Variants in RP1 observed in about 807,000 individuals in gnomAD.
RP1 encodes the protein RP1 axonemal microtubule associated.
Under a neutral mutation model 14.8 loss-of-function variants are expected in RP1, and 16 were observed. The observed-to-expected ratio is 1.08, with a 90% confidence interval of 0.73 to 1.65. The LOEUF is 1.65. Among genes scored for constraint, RP1 ranks in the 40% most tolerant of loss-of-function variants. RP1 has a pLI of 0.00. For synonymous variants in RP1, 876 were observed against 883.6 expected (o/e 0.99, Z 0.15); for missense variants, 2,631 against 2,535.0 (o/e 1.04, Z -0.81).
rs537731450 is a variant in RP1, at chr8:54,753,236, A to T, written c.2809-1567A>T. The stretch of plus-strand genomic sequence containing the variant: ...CACTCATTAATGGTCAGGCGTGCTG[A>T]GTTAGTCTGTAACCTGTATTGACAA... On this transcript the variant is annotated intron_variant, in intron 19 of 22. Coordinates refer to the RP1 transcript ENST00000636932. 9.2e-5 allele frequency among the ~76,000 whole-genome samples: 14 copies of T among 152,296 alleles called. No homozygotes were observed. In the South Asian group the frequency reaches 2.9e-3, roughly 32 times the overall value.
chr8:54,869,587 A>G, intron 28 of RP1, among the ~76,000 whole-genome samples: 1 of 152,334 alleles, frequency 6.6e-6, no homozygotes, highest in African/African-American at 2.4e-5. Flanking sequence ...TTGTAATGTT[A>G]CCAGAGGACT....
At chr8:54,575,121 G>A (rs903326946) in intron 1 of RP1, among the ~76,000 whole-genome samples, 1 of 152,152 alleles carries the variant, frequency 6.6e-6, no homozygotes, top group Non-Finnish European at 1.5e-5. Context: ...CCAGGTCAAT[G>A]AGTCCTCTAA....
chr8:54,649,208 G>A, intron 4 of RP1: 1 of 1,271,414 alleles, frequency 7.9e-7, no homozygotes, highest in Non-Finnish European at 1.0e-6. Context: ...TAGGTACTTT[G>A]GAATGAACAT....
chr8:54,629,887 G>A lies in RP1; in HGVS notation c.6005G>A (p.Gly2002Asp). The change falls in exon 4 of 4, where the codon GGT becomes GAT. Residue 2002 changes from glycine (G) to aspartate (D), a missense_variant. Physicochemically the swap from Gly to Asp is moderately conservative, Grantham distance 94 (BLOSUM62 -1). Coordinates refer to ENST00000220676, the MANE Select transcript of RP1 (RefSeq NM_006269.2). ...TTCAGTAACACATTTGACTTGATGGGTAAAAGAAGAAAACAAAAAAGAATT... is the reference window on the plus strand; with the variant it reads ...TTCAGTAACACATTTGACTTGATGGATAAAAGAAGAAAACAAAAAAGAATT... Reference protein sequence around the residue: ...FYFSNTFDLMGKRRKQKRINF... With the variant: ...FYFSNTFDLMDKRRKQKRINF... The A allele has an allele frequency of 1.2e-6, 2 of 1,613,786 alleles. No individual in the cohort carries two copies. Among genetic ancestry groups the A allele is most frequent in the Admixed American group, 1.7e-5 (1 of 60,004 alleles).
At chr8:54,805,212 T>C (rs1810819101) in intron 24 of RP1, among the ~76,000 whole-genome samples, 1 of 152,234 alleles carries the variant, frequency 6.6e-6, no homozygotes, top group Non-Finnish European at 1.5e-5. Context: ...GTCAAGACCA[T>C]TTAACTGTTT....
intron 26 of RP1, among the ~76,000 whole-genome samples, chr8:54,856,452 A>G (rs1381566094): frequency 2.6e-5 from 4 of 152,218 alleles, no homozygotes; most frequent in Non-Finnish European, 4.4e-5. Context: ...ATGTATGTAC[A>G]TATACATATT....
At chr8:54,636,660 C>G (rs1585574069) in intron 3 of RP1, among the ~76,000 whole-genome samples, 1 of 152,122 alleles carries the variant, frequency 6.6e-6, no homozygotes, top group Non-Finnish European at 1.5e-5. Flanking sequence ...GTCTCTTGAA[C>G]CCGGTAGGTG....
intron 12 of RP1, among the ~76,000 whole-genome samples, chr8:54,683,560 T>C (rs1430606239): frequency 6.6e-6 from 1 of 152,160 alleles, no homozygotes; most frequent in South Asian, 2.1e-4. Flanking sequence ...ATTCTCTTTG[T>C]AGCAATCGTG....
At chr8:54,601,411 G>A (rs1805281961) in intron 1 of RP1, among the ~76,000 whole-genome samples, 4 of 149,944 alleles carry the variant, frequency 2.7e-5, no homozygotes, top group Admixed American at 2.7e-4. Context: ...ATTACACTCT[G>A]GGGACTGTTG....
intron 3 of RP1, among the ~76,000 whole-genome samples, chr8:54,644,194 G>T (rs146517016): frequency 6.6e-6 from 1 of 152,106 alleles, no homozygotes; most frequent in African/African-American, 2.4e-5. Context: ...CCAAAAGGAA[G>T]AAACTGAAAG....
intron 1 of RP1, among the ~76,000 whole-genome samples, chr8:54,563,668 C>T (rs1804337213): frequency 6.6e-6 from 1 of 152,088 alleles, no homozygotes; most frequent in Non-Finnish European, 1.5e-5. Context: ...CCCTCAGCCT[C>T]CTGAGTAGCT....
chr8:54,857,317 TTATAA>T (rs1264955053), intron 27 of RP1, among the ~76,000 whole-genome samples: 9 of 147,604 alleles, frequency 6.1e-5, no homozygotes, highest in East Asian at 3.9e-4. Context: ...TATACTATAA[TTATAA>T]TATATTTATA....
chr8:54,810,739 G>A (rs1810971181), intron 24 of RP1, among the ~76,000 whole-genome samples: 1 of 152,204 alleles, frequency 6.6e-6, no homozygotes, highest in Non-Finnish European at 1.5e-5. Context: ...TGTTGTTCCT[G>A]GAGAAGAGGG....
intron 1 of RP1, among the ~76,000 whole-genome samples, chr8:54,596,933 G>A (rs1328865610): frequency 1.3e-5 from 2 of 151,938 alleles, no homozygotes; most frequent in Non-Finnish European, 2.9e-5. Context: ...ATGAACTCTG[G>A]ATTTCACTAT....
intron 7 of RP1, among the ~76,000 whole-genome samples, chr8:54,666,367 G>A (rs1807018103): frequency 6.6e-6 from 1 of 152,090 alleles, no homozygotes; most frequent in Admixed American, 6.6e-5. Context: ...ATAGCTGCTG[G>A]AAGTGTTCTT....
intron 12 of RP1, among the ~76,000 whole-genome samples, chr8:54,686,543 C>T (rs1807567611): frequency 6.6e-6 from 1 of 152,114 alleles, no homozygotes; most frequent in South Asian, 2.1e-4. Context: ...AGCAGACACA[C>T]AGCATGAGAA....
chr8:54,839,678 C>T (rs1426140400), intron 25 of RP1, among the ~76,000 whole-genome samples: 2 of 152,156 alleles, frequency 1.3e-5, no homozygotes, highest in African/African-American at 4.8e-5. Context: ...TCTCCACCAG[C>T]ATCTCCTTGA....
chr8:54,612,418 G>C (rs1805620436), upstream of RP1, among the ~76,000 whole-genome samples: 1 of 152,180 alleles, frequency 6.6e-6, no homozygotes, highest in Admixed American at 6.5e-5. Flanking sequence ...GAAATAAATG[G>C]AAATTAATTA....
At chr8:54,774,162 G>C (rs189877562), downstream of RP1, among the ~76,000 whole-genome samples, 76 of 152,258 alleles carry the variant, frequency 5.0e-4, no homozygotes, top group Middle Eastern at 6.8e-3. Context: ...TCCTGTGGTG[G>C]TGTGGATAAT....
Sources: allele counts gnomAD v4.1 joint callset (sites outside exome capture counted in the v4.1 genomes callset), GRCh38; gene constraint gnomAD v4.1.1; transcripts MANE v1.5; gene names NCBI Gene and HGNC (gene_info 2026-07-23, HGNC 2026-07-21).